The following WWOX variants were observed in gnomAD, a reference collection of about 807,000 sequenced individuals.
WWOX encodes the protein WW domain-containing oxidoreductase.
Under a neutral mutation model 46.2 loss-of-function variants are expected in WWOX, and 69 were observed. The observed-to-expected ratio is 1.49, with a 90% confidence interval of 1.23 to 1.82. The LOEUF is 1.82. Among genes scored for constraint, WWOX ranks in the 40% most tolerant of loss-of-function variants. WWOX has a pLI of 0.00. For missense variants in WWOX, 919 were observed against 542.6 expected, an observed-to-expected ratio of 1.69 and a Z score of -6.89; for synonymous variants, 359 against 202.6, an observed-to-expected ratio of 1.77 and a Z score of -6.56.
intron 8 of WWOX, among the ~76,000 whole-genome samples, chr16:78,468,187 C>G (rs1003665548): frequency 1.3e-5 from 2 of 152,076 alleles, no homozygotes; most frequent in African/African-American, 4.8e-5. Flanking sequence ...GGCTTTCTAC[C>G]AGTTCTCTGC....
At chr16:78,788,515 C>T (rs905575810) in intron 8 of WWOX, among the ~76,000 whole-genome samples, 5 of 152,168 alleles carry the variant, frequency 3.3e-5, no homozygotes, top group Non-Finnish European at 7.4e-5. Context: ...CCCAAGAGGG[C>T]TGGGTTTGGG....
chr16:78,174,973 G>C (rs1295510159), intron 5 of WWOX, among the ~76,000 whole-genome samples: 1 of 148,966 alleles, frequency 6.7e-6, no homozygotes, highest in Non-Finnish European at 1.5e-5. Flanking sequence ...GGGTGACAGA[G>C]CAAGACTCTG....
At chr16:78,514,726 G>A (rs773964179) in intron 8 of WWOX, among the ~76,000 whole-genome samples, 11 of 152,090 alleles carry the variant, frequency 7.2e-5, no homozygotes, top group Non-Finnish European at 1.3e-4. Context: ...GTATGTACAG[G>A]GTGGTTTTCT....
At chr16:78,737,864 A>C (rs1214430560) in intron 8 of WWOX, among the ~76,000 whole-genome samples, 3 of 152,046 alleles carry the variant, frequency 2.0e-5, no homozygotes, top group Non-Finnish European at 4.4e-5. Flanking sequence ...GGGCCACTTT[A>C]TTCCCTCACC....
Position 79,176,787 on chromosome 16 carries a change from G to A in WWOX, c.1057-34821G>A, listed in dbSNP as rs528677116. Among the ~76,000 whole-genome samples the A allele has an allele frequency of 2.6e-5, 4 of 152,256 alleles. No individual in the cohort carries two copies. In the East Asian group the frequency reaches 7.7e-4, roughly 29 times the overall value. The stretch of plus-strand genomic sequence containing the variant: ...TAATATAGAGTCATAGGAAACCTGA[G>A]CCTTGGCATTTGTAAGGCAAAAAGA... On this transcript the variant is annotated intron_variant, in intron 8 of 8. Transcript: ENST00000566780.
intron 5 of WWOX, among the ~76,000 whole-genome samples, chr16:78,211,915 C>T (rs548494237): frequency 3.9e-5 from 6 of 152,340 alleles, no homozygotes; most frequent in African/African-American, 1.4e-4. Context: ...CCTCTCTGAG[C>T]TGAGTTTGTT....
intron 8 of WWOX, among the ~76,000 whole-genome samples, chr16:78,952,933 G>C (rs974515354): frequency 2.0e-5 from 3 of 152,128 alleles, no homozygotes; most frequent in Admixed American, 2.0e-4. Flanking sequence ...AGCTGGCTCA[G>C]AAGATGGATG....
chr16:78,148,610 CA>C, intron 4 of WWOX, among the ~76,000 whole-genome samples: 1 of 151,856 alleles, frequency 6.6e-6, no homozygotes, highest in East Asian at 1.9e-4. Flanking sequence ...ATAAAAGTGC[CA>C]TGTTGGCTGG....
intron 8 of WWOX, among the ~76,000 whole-genome samples, chr16:78,599,790 C>G (rs1174478607): frequency 2.6e-5 from 4 of 152,114 alleles, no homozygotes; most frequent in African/African-American, 9.7e-5. Flanking sequence ...GTCTCAGTCT[C>G]TGCACTCTGG....
chr16:78,974,719 C>G (rs958638361), intron 8 of WWOX, among the ~76,000 whole-genome samples: 1 of 152,076 alleles, frequency 6.6e-6, no homozygotes, highest in African/African-American at 2.4e-5. Flanking sequence ...TGCCACTTTG[C>G]CAAACCCCAA....
intron 5 of WWOX, among the ~76,000 whole-genome samples, chr16:78,337,554 C>A (rs528536978): frequency 6.6e-5 from 10 of 152,282 alleles, no homozygotes; most frequent in African/African-American, 2.4e-4. Flanking sequence ...TTGTTCAATG[C>A]ATAATGACAG....
At chr16:78,216,344 G>A (rs184520052) in intron 5 of WWOX, among the ~76,000 whole-genome samples, 105 of 152,280 alleles carry the variant, frequency 6.9e-4, no homozygotes, top group African/African-American at 2.5e-3. Flanking sequence ...ATGCGTTACA[G>A]CCATTGTTTC....
chr16:78,135,025 G>A (rs959958004), intron 4 of WWOX, among the ~76,000 whole-genome samples: 14 of 152,270 alleles, frequency 9.2e-5, no homozygotes, highest in African/African-American at 3.4e-4. Context: ...TGTCACCTGC[G>A]CATTGAAAAA....
chr16:78,507,085 A>G (rs2085227348), intron 8 of WWOX, among the ~76,000 whole-genome samples: 1 of 152,216 alleles, frequency 6.6e-6, no homozygotes, highest in Non-Finnish European at 1.5e-5. Flanking sequence ...AGCAGGAGCA[A>G]CATCATCCCA....
chr16:78,616,097 C>G (rs79176860), intron 8 of WWOX, among the ~76,000 whole-genome samples: 4,344 of 152,128 alleles, frequency 0.029, 227 homozygotes, highest in African/African-American at 0.1. Flanking sequence ...TTCTCACTTC[C>G]TACGTAGAAT....
chr16:78,950,395 G>A (rs963106939), intron 8 of WWOX, among the ~76,000 whole-genome samples: 2 of 152,104 alleles, frequency 1.3e-5, no homozygotes, highest in African/African-American at 4.8e-5. Context: ...CCATTGTTCT[G>A]AGAGGAAGGG....
intron 7 of WWOX, among the ~76,000 whole-genome samples, chr16:78,426,396 T>C (rs1037862631): frequency 1.3e-5 from 2 of 152,154 alleles, no homozygotes; most frequent in Non-Finnish European, 2.9e-5. Flanking sequence ...AGCTGCTCAC[T>C]CTCCTTGTAA....
At chr16:78,597,328 T>G (rs2045515066) in intron 8 of WWOX, among the ~76,000 whole-genome samples, 2 of 152,180 alleles carry the variant, frequency 1.3e-5, no homozygotes, top group African/African-American at 4.8e-5. Flanking sequence ...TGCCGGGCAC[T>G]GTACTTGGGG....
At chr16:78,461,067 T>C (rs903599705) in intron 8 of WWOX, among the ~76,000 whole-genome samples, 3 of 152,194 alleles carry the variant, frequency 2.0e-5, no homozygotes, top group Non-Finnish European at 4.4e-5. Context: ...GTATGACTAT[T>C]ACTGTGTTGC....
Sources: gnomAD v4.1 joint callset for allele counts (sites outside exome capture counted in the v4.1 genomes callset) on GRCh38, gnomAD v4.1.1 for gene constraint, MANE v1.5 for transcripts, NCBI Gene and HGNC (gene_info 2026-07-23, HGNC 2026-07-21) for gene names.